Variants in TLE1 observed in about 807,000 individuals in gnomAD.
TLE1 encodes transducin-like enhancer protein 1.
In TLE1, 21 loss-of-function variants were observed where a neutral mutation model predicts 89.8. The ratio of observed to expected loss-of-function variants is 0.23; its 90% CI spans 0.17 to 0.34. The LOEUF (loss-of-function observed/expected upper bound fraction) is 0.34, where lower values mean the gene tolerates loss of function less well. Ranked by LOEUF, TLE1 falls within the 10% of genes least tolerant of loss-of-function variation. The probability of loss-of-function intolerance (pLI) is 1.00; values close to 1 mark genes in which losing one functional copy is unlikely to be tolerated. For missense variants in TLE1, 795 were observed against 1,031.2 expected (o/e 0.77, Z 3.14); for synonymous variants, 447 against 407.6 (o/e 1.10, Z -1.16).
At chr9:81,668,121 C>T (rs1831727333) in intron 4 of TLE1, among the ~76,000 whole-genome samples, 1 of 151,378 alleles carries the variant, frequency 6.6e-6, no homozygotes, top group Middle Eastern at 3.2e-3. Context: ...GCCGAGATCG[C>T]GCCACTGCAC....
chr9:81,618,045 A>C (rs375226687), intron 9 of TLE1, among the ~76,000 whole-genome samples: 5 of 143,476 alleles, frequency 3.5e-5, no homozygotes, highest in Non-Finnish European at 7.5e-5. Flanking sequence ...ACAACAACAA[A>C]AAATTCAATG....
intron 4 of TLE1, among the ~76,000 whole-genome samples, chr9:81,684,277 G>A (rs1053646474): frequency 6.6e-6 from 1 of 151,922 alleles, no homozygotes; most frequent in Non-Finnish European, 1.5e-5. Context: ...CCTGAATAAG[G>A]CACTAGCCAC....
chr9:81,672,091 G>A (rs933234848), intron 4 of TLE1, among the ~76,000 whole-genome samples: 2 of 152,196 alleles, frequency 1.3e-5, no homozygotes, highest in African/African-American at 2.4e-5. Context: ...TAAGCAGAAA[G>A]AGCCATGAAC....
At chr9:81,652,471 G>A (rs970812646) in intron 5 of TLE1, among the ~76,000 whole-genome samples, 183 bp from the exon 6 acceptor site, 42 of 152,196 alleles carry the variant, frequency 2.8e-4, no homozygotes, top group South Asian at 1.0e-3. Context: ...TGAGAATGGC[G>A]CTGCCCTTTA....
At chr9:81,628,127 G>C (rs542832794) in intron 8 of TLE1, among the ~76,000 whole-genome samples, 16 of 152,332 alleles carry the variant, frequency 1.1e-4, no homozygotes, top group African/African-American at 3.8e-4. Flanking sequence ...TGCATTGAAT[G>C]TAATGAATGA....
chr9:81,599,479 T>C (rs1009601627), intron 14 of TLE1, among the ~76,000 whole-genome samples: 2 of 152,124 alleles, frequency 1.3e-5, no homozygotes, highest in African/African-American at 2.4e-5. Context: ...GGGCTCCTTA[T>C]GGAATGGATG....
intron 2 of TLE1, 131 bp downstream of exon 2, chr9:81,687,202 CA>C: frequency 1.5e-6 from 1 of 653,304 alleles, no homozygotes; most frequent in Non-Finnish European, 2.6e-6. Flanking sequence ...ACTTGAATGA[CA>C]GGTCTTAACT....
intron 4 of TLE1, among the ~76,000 whole-genome samples, chr9:81,670,568 C>A (rs1832084975): frequency 6.6e-6 from 1 of 152,076 alleles, no homozygotes; most frequent in Admixed American, 6.5e-5. Flanking sequence ...CTCCTGACAC[C>A]TTGTGATCTG....
chr9:81,665,862 A>ATTT (rs10696235), intron 4 of TLE1, among the ~76,000 whole-genome samples: 8 of 147,252 alleles, frequency 5.4e-5, no homozygotes, highest in African/African-American at 1.5e-4. Context: ...GGCTGCCCTC[A>ATTT]TTTTTTTTTT....
At chr9:81,591,765 G>A (rs112579393) in intron 15 of TLE1, among the ~76,000 whole-genome samples, 47 of 152,046 alleles carry the variant, frequency 3.1e-4, no homozygotes, top group African/African-American at 1.0e-3. Flanking sequence ...TAGAATATTG[G>A]GCCATATTTA....
chr9:81,672,261 T>A (rs990351142), intron 4 of TLE1, among the ~76,000 whole-genome samples: 2 of 152,018 alleles, frequency 1.3e-5, no homozygotes, highest in Admixed American at 6.6e-5. Flanking sequence ...GGATTAAGAG[T>A]AAACAGCCTA....
At chr9:81,629,866 GTGT>G (rs1826352889) in intron 8 of TLE1, among the ~76,000 whole-genome samples, 1 of 152,192 alleles carries the variant, frequency 6.6e-6, no homozygotes, top group African/African-American at 2.4e-5. Context: ...GTTGATGGAA[GTGT>G]TGTTATGCAG....
intron 2 of TLE1, among the ~76,000 whole-genome samples, chr9:81,686,105 CTTGG>C (rs1223123755): frequency 1.3e-5 from 2 of 152,192 alleles, no homozygotes; most frequent in Non-Finnish European, 2.9e-5. Flanking sequence ...TACCATTCTT[CTTGG>C]TGCCTATCTG....
chr9:81,620,314 A>C lies in TLE1; in HGVS notation c.711+127T>G, dbSNP rs1825069420. 2.8e-5 allele frequency: 22 copies of C among 777,396 alleles called. 1 individual carries two copies. The South Asian group carries it at 4.1e-4, about 15-fold the overall frequency. The allele number at this position is 777,396 out of a possible 1,614,324, so 48.2% of individuals were successfully genotyped here. On this transcript the variant is annotated intron_variant, in intron 9 of 19. Transcript: ENST00000376499. ...AAGGGAAATACTATCCTACAATGTAAGAACCTCTCCTCTTTACAGTATTAT... is the reference window on the plus strand; with the variant it reads ...AAGGGAAATACTATCCTACAATGTACGAACCTCTCCTCTTTACAGTATTAT...
At chr9:81,639,836 G>A (rs777672634) in intron 6 of TLE1, among the ~76,000 whole-genome samples, 24 of 151,756 alleles carry the variant, frequency 1.6e-4, no homozygotes, top group Non-Finnish European at 3.4e-4. Context: ...AGCCCACCTC[G>A]GCCTCCCAAA....
intron 4 of TLE1, among the ~76,000 whole-genome samples, chr9:81,665,914 T>C (rs1831404996): frequency 6.6e-6 from 1 of 151,940 alleles, no homozygotes; most frequent in Admixed American, 6.6e-5. Flanking sequence ...AAGTTGAGTC[T>C]GCAATGCTGT....
intron 14 of TLE1, among the ~76,000 whole-genome samples, chr9:81,598,125 C>A (rs1387047885): frequency 6.6e-6 from 1 of 152,118 alleles, no homozygotes; most frequent in East Asian, 1.9e-4. Flanking sequence ...TAACAAGGAT[C>A]AAAAATCTGA....
intron 4 of TLE1, among the ~76,000 whole-genome samples, chr9:81,659,910 C>G (rs548324084): frequency 6.6e-6 from 1 of 152,266 alleles, no homozygotes; most frequent in South Asian, 2.1e-4. Flanking sequence ...TCTTCCCAAT[C>G]CCTCAAGGCC....
chr9:81,655,776 G>A (rs1336541747), intron 4 of TLE1, among the ~76,000 whole-genome samples: 2 of 148,878 alleles, frequency 1.3e-5, no homozygotes, highest in South Asian at 2.1e-4. Flanking sequence ...GAAATCCCAG[G>A]AACAAAGTCG....
Sources: gnomAD v4.1 joint callset for allele counts (sites outside exome capture counted in the v4.1 genomes callset) on GRCh38, gnomAD v4.1.1 for gene constraint, MANE v1.5 for transcripts, NCBI Gene and HGNC (gene_info 2026-07-23, HGNC 2026-07-21) for gene names.